Variants in CTNND2 observed in about 807,000 individuals in gnomAD.
CTNND2 encodes the protein catenin delta 2, also known as catenin delta-2.
In CTNND2, 22 loss-of-function variants were observed where a neutral mutation model predicts 144.4. The observed-to-expected ratio is 0.15, with a 90% CI of 0.11 to 0.22. The LOEUF (loss-of-function observed/expected upper bound fraction) is 0.22, where lower values mean the gene tolerates loss of function less well. CTNND2 is among the 10% of genes least tolerant of loss of function. The pLI is 1.00. For missense variants in CTNND2, 1,353 were observed against 1,618.8 expected (o/e 0.84, Z 2.82); for synonymous variants, 751 against 695.6 (o/e 1.08, Z -1.25).
intron 3 of CTNND2, 40 bp downstream of exon 3, chr5:11,564,904 C>T (rs755527941): frequency 7.4e-7 from 1 of 1,352,006 alleles, no homozygotes; most frequent in South Asian, 1.2e-5. Context: ...CTTGCAGGGG[C>T]AACTCAAAGC....
chr5:11,136,032 T>C lies in CTNND2; in HGVS notation c.2160-18465A>G, dbSNP rs79326711. ...TTAAGTGAGACACTCATGAATAGGA[T>C]GAGTGGCCTTATAAAAGATGCCTGA... is the stretch of plus-strand genomic sequence containing the variant. On this transcript the variant is annotated intron_variant, in intron 12 of 21. Coordinates refer to ENST00000304623, the MANE Select transcript of CTNND2 (RefSeq NM_001332.4). Among the ~76,000 whole-genome samples the C allele has an allele frequency of 7.6e-3, 1,161 of 152,314 alleles. 17 individuals are homozygous for C. The highest frequency in any genetic ancestry group is 0.027 in the African/African-American group (1,134 of 41,576).
chr5:11,241,004 C>T (rs1247156474), intron 9 of CTNND2, among the ~76,000 whole-genome samples: 1 of 142,992 alleles, frequency 7.0e-6, no homozygotes, highest in Non-Finnish European at 1.5e-5. Context: ...ACACACACAC[C>T]AAACACACAC....
At chr5:11,459,894 C>T (rs1394004849) in intron 3 of CTNND2, among the ~76,000 whole-genome samples, 2 of 152,246 alleles carry the variant, frequency 1.3e-5, no homozygotes, top group Non-Finnish European at 2.9e-5. Flanking sequence ...ACATGTCTCA[C>T]GAACTTGTGG....
chr5:11,175,567 T>C (rs1760398992), intron 11 of CTNND2, among the ~76,000 whole-genome samples: 1 of 152,244 alleles, frequency 6.6e-6, no homozygotes, highest in African/African-American at 2.4e-5. Flanking sequence ...GGTAATGCTC[T>C]ATTTGATGGT....
intron 9 of CTNND2, among the ~76,000 whole-genome samples, chr5:11,343,040 C>T (rs1434878034): frequency 6.6e-6 from 1 of 152,146 alleles, no homozygotes; most frequent in Non-Finnish European, 1.5e-5. Context: ...TGACTGCTGG[C>T]TTTACAAAGA....
intron 2 of CTNND2, among the ~76,000 whole-genome samples, chr5:11,594,207 A>G (rs1212257306): frequency 1.3e-5 from 2 of 152,232 alleles, no homozygotes. Context: ...AATACTATTC[A>G]GCAAAGTAAA....
At chr5:11,191,040 T>C (rs1283124329) in intron 11 of CTNND2, among the ~76,000 whole-genome samples, 1 of 152,068 alleles carries the variant, frequency 6.6e-6, no homozygotes, top group African/African-American at 2.4e-5. Context: ...GGAAAATGAA[T>C]CCCAGAAGGA....
chr5:11,174,568 T>C (rs1760273472), intron 11 of CTNND2, among the ~76,000 whole-genome samples: 1 of 152,198 alleles, frequency 6.6e-6, no homozygotes, highest in African/African-American at 2.4e-5. Flanking sequence ...TTATTGTGCA[T>C]ATTTGTAAAA....
chr5:11,014,059 T>G (rs912154493), intron 18 of CTNND2, among the ~76,000 whole-genome samples: 1 of 152,246 alleles, frequency 6.6e-6, no homozygotes, highest in Non-Finnish European at 1.5e-5. Flanking sequence ...TACAGCTCCA[T>G]GAGAGGGAAA....
At position 11,780,717 on chromosome 5, in the gene CTNND2, G is replaced by A. The variant is rs143936806; in HGVS notation, c.38-48445C>T. Among the ~76,000 whole-genome samples the A allele has an allele frequency of 2.6e-3, 393 of 152,286 alleles. 3 individuals carry two copies. Among genetic ancestry groups the A allele is most frequent in the African/African-American group, 8.5e-3 (354 of 41,556 alleles). On this transcript the variant is annotated intron_variant, in intron 1 of 21. Coordinates refer to ENST00000304623, the MANE Select transcript of CTNND2 (RefSeq NM_001332.4). ...ACAAGGAGGGAGATGCAAAGGGTAG[G>A]AGAGGCTGGCCCAGGATTTTCTAGA... is the stretch of plus-strand genomic sequence containing the variant.
chr5:11,588,771 A>G (rs997630166), intron 2 of CTNND2: 5 of 985,314 alleles, frequency 5.1e-6, no homozygotes, highest in East Asian at 1.1e-4. Context: ...GTCCTTAAAT[A>G]CTTGAAAACT....
At chr5:11,318,788 A>AT (rs745850380) in intron 9 of CTNND2, among the ~76,000 whole-genome samples, 27 of 152,256 alleles carry the variant, frequency 1.8e-4, no homozygotes, top group Admixed American at 5.2e-4. Flanking sequence ...TCCCACCTGC[A>AT]TAAAAACATG....
At chr5:11,713,635 C>G (rs1047209837) in intron 2 of CTNND2, among the ~76,000 whole-genome samples, 1 of 144,816 alleles carries the variant, frequency 6.9e-6, no homozygotes, top group Non-Finnish European at 1.5e-5. Flanking sequence ...ATATAAAGGA[C>G]AGTTTTTCTC....
At chr5:11,223,199 G>T (rs538000046) in intron 10 of CTNND2, among the ~76,000 whole-genome samples, 34 of 152,240 alleles carry the variant, frequency 2.2e-4, no homozygotes, top group South Asian at 8.3e-4. Context: ...GCAGGAACAC[G>T]TCTAAATCCC....
At chr5:11,862,611 G>A (rs1207687797) in intron 1 of CTNND2, among the ~76,000 whole-genome samples, 1 of 152,118 alleles carries the variant, frequency 6.6e-6, no homozygotes, top group Non-Finnish European at 1.5e-5. Context: ...TGATATTTTT[G>A]AAGAGTTACT....
intron 3 of CTNND2, among the ~76,000 whole-genome samples, chr5:11,438,368 G>C (rs939727701): frequency 6.6e-6 from 1 of 152,172 alleles, no homozygotes; most frequent in African/African-American, 2.4e-5. Flanking sequence ...AGGCACAGTC[G>C]TGATTATAGA....
At chr5:11,572,010 C>G (rs1777599485) in intron 2 of CTNND2, among the ~76,000 whole-genome samples, 1 of 152,122 alleles carries the variant, frequency 6.6e-6, no homozygotes, top group South Asian at 2.1e-4. Context: ...GGGGTTATAA[C>G]CCCTTTTAAA....
At chr5:11,716,666 T>G (rs893215603) in intron 2 of CTNND2, among the ~76,000 whole-genome samples, 2 of 151,842 alleles carry the variant, frequency 1.3e-5, no homozygotes, top group Admixed American at 6.6e-5. Flanking sequence ...TCTTTTTATT[T>G]ACTTATTTGT....
At chr5:11,161,577 A>C (rs1247069370) in intron 11 of CTNND2, among the ~76,000 whole-genome samples, 1 of 152,214 alleles carries the variant, frequency 6.6e-6, no homozygotes, top group Non-Finnish European at 1.5e-5. Context: ...GCCTCACAAA[A>C]ATGTTAATTT....
Sources: gnomAD v4.1 joint callset for allele counts (sites outside exome capture counted in the v4.1 genomes callset) on GRCh38, gnomAD v4.1.1 for gene constraint, MANE v1.5 for transcripts, NCBI Gene and HGNC (gene_info 2026-07-23, HGNC 2026-07-21) for gene names.